PRRC2C: variants seen among roughly 807,000 people sequenced by gnomAD.
PRRC2C encodes the protein protein PRRC2C.
A neutral mutation model predicts 317.2 loss-of-function variants in PRRC2C; 72 were observed. The observed-to-expected ratio is 0.23, with a 90% confidence interval of 0.19 to 0.28. The LOEUF (loss-of-function observed/expected upper bound fraction) is 0.28. Ranked by LOEUF, PRRC2C falls within the 10% of genes least tolerant of loss-of-function variation. The pLI is 1.00. For synonymous variants in PRRC2C, 1,296 were observed against 1,205.9 expected (o/e 1.07, Z -1.55); for missense variants, 3,074 against 3,459.7 (o/e 0.89, Z 2.80).
At chr1:171,487,443 A>C (rs547051133) in intron 1 of PRRC2C, among the ~76,000 whole-genome samples, 1 of 152,322 alleles carries the variant, frequency 6.6e-6, no homozygotes, top group Admixed American at 6.5e-5. Context: ...CTAGTATATG[A>C]ATATTGTTGC....
chr1:171,521,804 C>T (rs956473714), intron 6 of PRRC2C, among the ~76,000 whole-genome samples: 6 of 152,134 alleles, frequency 3.9e-5, no homozygotes, highest in African/African-American at 1.4e-4. Flanking sequence ...GATACAATTA[C>T]TTTAATGTAA....
At chr1:171,486,519 C>T (rs1571499224) in intron 1 of PRRC2C, among the ~76,000 whole-genome samples, 1 of 152,104 alleles carries the variant, frequency 6.6e-6, no homozygotes, top group Non-Finnish European at 1.5e-5. Context: ...CCTTCCTTTG[C>T]ATGAGAGGAG....
chr1:171,522,119 A>T, intron 6 of PRRC2C, 58 bp from the exon 7 acceptor site: 1 of 857,550 alleles, frequency 1.2e-6, no homozygotes, highest in Non-Finnish European at 1.7e-6. Flanking sequence ...TATATATATA[A>T]TTTTTTAAAA....
At chr1:171,516,269 G>A (rs1248973302) in intron 5 of PRRC2C, among the ~76,000 whole-genome samples, 1 of 152,058 alleles carries the variant, frequency 6.6e-6, no homozygotes, top group Non-Finnish European at 1.5e-5. Flanking sequence ...TGGATAATGA[G>A]GGATAGTTTA....
chr1:171,486,254 A>T (rs1666074842), intron 1 of PRRC2C, among the ~76,000 whole-genome samples: 1 of 151,518 alleles, frequency 6.6e-6, no homozygotes, highest in South Asian at 2.1e-4. Context: ...TGGTTTAAAG[A>T]CCTGGTTAGA....
chr1:171,507,656 T>C (rs969902001), intron 1 of PRRC2C, among the ~76,000 whole-genome samples: 3 of 152,134 alleles, frequency 2.0e-5, no homozygotes, highest in African/African-American at 7.2e-5. Flanking sequence ...GCATGTCATG[T>C]CATCTTTTTA....
rs1192549755 is a variant in PRRC2C at position 171,532,414 on chromosome 1, T to G, written c.1326T>G (p.Asp442Glu). ...GPFPSKQQVADEDEIWKQRRR... is the reference protein window; with the variant it reads ...GPFPSKQQVAEEDEIWKQRRR... ...TTCCCTCCAAGCAGCAAGTAGCTGA[T>G]GAAGATGAAATATGGAAGCAAAGAC... is the stretch of plus-strand genomic sequence containing the variant. The change falls in exon 12 of 35, where the codon GAT becomes GAG. Residue 442 changes from aspartate to glutamate, a missense_variant. This residue lies in a region of PRRC2C where 1,320 missense variants were observed against 1,395.7 expected (regional missense o/e 0.95). Transcript: ENST00000647382. 6.2e-7 allele frequency: 1 copy of G among 1,613,876 alleles called. No homozygotes were observed. The highest frequency in any genetic ancestry group is 1.3e-5 in the African/African-American group (1 of 75,014).
intron 24 of PRRC2C, among the ~76,000 whole-genome samples, chr1:171,572,371 T>C (rs943700847): frequency 2.6e-5 from 4 of 152,186 alleles, no homozygotes; most frequent in African/African-American, 7.2e-5. Flanking sequence ...TCTAATATAG[T>C]AGGGCTTCCT....
At position 171,540,927 on chromosome 1, in the gene PRRC2C, G is replaced by T. The variant is rs767926177; in HGVS notation, c.3461G>T (p.Arg1154Leu). ...ISKDLVIERPRPDSRPAVKKE... is the reference protein window; with the variant it reads ...ISKDLVIERPLPDSRPAVKKE... ...AAAGACCTTGTTATAGAGAGGCCTC[G>T]ACCAGATTCAAGACCAGCAGTTAAA... is the stretch of plus-strand genomic sequence containing the variant. Residue 1154 changes from arginine to leucine, a missense_variant, in exon 16 of 35, where the codon CGA becomes CTA. Arg to Leu is a moderately radical substitution (Grantham distance 102). This residue lies in a region of PRRC2C where 1,320 missense variants were observed against 1,395.7 expected (regional missense o/e 0.95). Coordinates refer to ENST00000647382, the MANE Select transcript of PRRC2C (RefSeq NM_001387844.1). The T allele has an allele frequency of 3.7e-6, 6 of 1,613,570 alleles. No homozygotes were observed. Among genetic ancestry groups the T allele is most frequent in the South Asian group, 2.2e-5 (2 of 90,960 alleles).
rs1305935885 is a variant in PRRC2C at position 171,540,274 on chromosome 1, A to T, written c.2808A>T (p.Lys936Asn). The T allele has an allele frequency of 6.2e-7, 1 of 1,613,848 alleles. No individual in the cohort carries two copies. The highest frequency in any genetic ancestry group is 1.1e-5 in the South Asian group (1 of 91,052). Residue 936 changes from lysine to asparagine, a missense_variant, in exon 16 of 35, where the codon AAA (lysine) becomes AAT (asparagine). Lys to Asn is a moderately conservative substitution (Grantham distance 94). Around this residue, in one of 11 missense-constraint regions of PRRC2C, gnomAD observed 1,320 missense variants for 1,395.7 expected, o/e 0.95. Coordinates refer to ENST00000647382, the MANE Select transcript of PRRC2C (RefSeq NM_001387844.1). The part of the protein sequence containing the change: ...SVSHGSNHTQ[K>N]PDEQRSEPSA... ...CCCATGGATCTAACCATACGCAAAA[A>T]CCAGACGAGCAGAGAAGTGAACCAT...
intron 12 of PRRC2C, among the ~76,000 whole-genome samples, chr1:171,534,842 T>C (rs761919619): frequency 2.0e-5 from 3 of 152,244 alleles, no homozygotes; most frequent in Non-Finnish European, 4.4e-5. Context: ...AATTCATTAC[T>C]AGTCATTTGA....
intron 18 of PRRC2C, among the ~76,000 whole-genome samples, chr1:171,552,925 T>C (rs1038284064): frequency 9.2e-5 from 14 of 152,218 alleles, no homozygotes; most frequent in Non-Finnish European, 1.9e-4. Flanking sequence ...TAAAATTCTC[T>C]ATTTTCATTG....
At chr1:171,487,408 A>AAT (rs1666331861) in intron 1 of PRRC2C, among the ~76,000 whole-genome samples, 3 of 152,206 alleles carry the variant, frequency 2.0e-5, no homozygotes, top group South Asian at 4.1e-4. Context: ...AAGCATTATT[A>AAT]ACTAGTAGTT....
Position 171,566,396 on chromosome 1 carries a change from G to T in PRRC2C, c.6281G>T (p.Arg2094Leu). The stretch of plus-strand genomic sequence containing the variant: ...AAAGAACAGCGGCAGAAGCAGCCAC[G>T]AGCAGGACCTATCAAAGCCCAGAAG... ...EPKEQRQKQP[R>L]AGPIKAQKLP... Residue 2094 changes from arginine to leucine, a missense_variant, in exon 21 of 35, where the codon CGA (arginine) becomes CTA (leucine). By Grantham distance (102) the Arg-to-Leu change is moderately radical. Transcript: ENST00000647382. The T allele has an allele frequency of 6.3e-7, 1 of 1,581,992 alleles. No individual in the cohort carries two copies.
In PRRC2C at chr1:171,558,363, A is replaced by G. The variant is rs151071177; in HGVS notation, c.6031+220A>G. Among the ~76,000 whole-genome samples the G allele has an allele frequency of 5.0e-3, 408 of 81,652 alleles. 9 individuals carry two copies. Among genetic ancestry groups the G allele is most frequent in the Non-Finnish European group, 1.1e-3 (43 of 38,562 alleles). The allele number at this position is 81,652 out of a possible 152,430, so 53.6% of individuals were successfully genotyped here. A position where few individuals can be genotyped will look rare whatever the true frequency, so the allele number is the denominator to read the frequency against. On this transcript the variant is annotated intron_variant, in intron 19 of 34. Coordinates refer to ENST00000647382, the MANE Select transcript of PRRC2C (RefSeq NM_001387844.1). The stretch of plus-strand genomic sequence containing the variant: ...GAAATAATTTTGTGTTGATGAGAAA[A>G]TAATAGGCAATGTTTGGGGGGGTCT...
At chr1:171,500,538 C>T (rs937520180) in intron 1 of PRRC2C, among the ~76,000 whole-genome samples, 7 of 151,946 alleles carry the variant, frequency 4.6e-5, no homozygotes, top group African/African-American at 1.2e-4. Context: ...CTTGAACTAC[C>T]GGTACACGCC....
chr1:171,541,318 T>A lies in PRRC2C; in HGVS notation c.3852T>A (p.Ser1284Arg). 6.2e-7 allele frequency: 1 copy of A among 1,613,776 alleles called. No homozygotes were observed. Among genetic ancestry groups the A allele is most frequent in the Non-Finnish European group, 8.5e-7 (1 of 1,179,854 alleles). The change falls in exon 16 of 35, where the codon AGT (serine) becomes AGA (arginine). Residue 1284 changes from serine (S) to arginine (R), a missense_variant. This residue lies in a region of PRRC2C where 1,320 missense variants were observed against 1,395.7 expected (regional missense o/e 0.95). Coordinates refer to ENST00000647382, the MANE Select transcript of PRRC2C (RefSeq NM_001387844.1). The surrounding 1 kb of genome is among the most constrained non-coding windows in gnomAD (Gnocchi z 4.1). The stretch of plus-strand genomic sequence containing the variant: ...GTGCAAGTGACAAGGACAGTTTAAG[T>A]AAAGGCAAACTTCCCAAAAGAGAGG... Reference protein sequence around the residue: ...HESASDKDSLSKGKLPKREER... With the variant: ...HESASDKDSLRKGKLPKREER...
At chr1:171,552,578 A>G (rs1051475479) in intron 18 of PRRC2C, among the ~76,000 whole-genome samples, 1 of 152,202 alleles carries the variant, frequency 6.6e-6, no homozygotes, top group East Asian at 1.9e-4. Flanking sequence ...TTGCCCATTC[A>G]GTGTGATATT....
chr1:171,491,836 T>G (rs948111568), intron 1 of PRRC2C, among the ~76,000 whole-genome samples: 1 of 152,162 alleles, frequency 6.6e-6, no homozygotes, highest in African/African-American at 2.4e-5. Flanking sequence ...ACCCAAAAAC[T>G]TTGTAATTTT....
Sources: gnomAD v4.1 joint callset for allele counts (sites outside exome capture counted in the v4.1 genomes callset) on GRCh38, gnomAD v4.1.1 for gene constraint, gnomAD v4.1.1 regional missense constraint, Gnocchi (gnomAD v3.1) non-coding constraint, MANE v1.5 for transcripts, NCBI Gene and HGNC (gene_info 2026-07-23, HGNC 2026-07-21) for gene names.